SYT14: variants seen among roughly 807,000 people sequenced by gnomAD.
The protein encoded by SYT14 is synaptotagmin 14, also known as synaptotagmin-14.
Under a neutral mutation model 74.2 loss-of-function variants are expected in SYT14, and 32 were observed. The observed-to-expected ratio is 0.43, with a 90% confidence interval of 0.33 to 0.58. The LOEUF is 0.58. SYT14 is among the 20% of genes least tolerant of loss of function. SYT14 has a pLI of 0.05. For missense variants in SYT14, 791 were observed against 981.8 expected (o/e 0.81, Z 2.60); for synonymous variants, 298 against 337.7 (o/e 0.88, Z 1.29).
intron 5 of SYT14, among the ~76,000 whole-genome samples, chr1:210,080,195 C>T (rs142546380): frequency 1.5e-3 from 235 of 152,088 alleles, no homozygotes; most frequent in Non-Finnish European, 2.7e-3. Context: ...TATTTTAAAC[C>T]AGATCAGCCT....
chr1:210,062,436 G>C (rs1379116610), intron 5 of SYT14, among the ~76,000 whole-genome samples: 1 of 151,750 alleles, frequency 6.6e-6, no homozygotes, highest in African/African-American at 2.4e-5. Flanking sequence ...TTTGACACTA[G>C]AAAACAAAAG....
At chr1:210,075,012 A>G (rs1156771175) in intron 5 of SYT14, among the ~76,000 whole-genome samples, 14 of 152,304 alleles carry the variant, frequency 9.2e-5, no homozygotes, top group African/African-American at 3.4e-4. Flanking sequence ...GGCTTGGAGA[A>G]TGAGTACAAG....
At chr1:210,090,619 C>T (rs908927066) in intron 5 of SYT14, among the ~76,000 whole-genome samples, 4 of 151,948 alleles carry the variant, frequency 2.6e-5, no homozygotes, top group Non-Finnish European at 4.4e-5. Context: ...ATATAAAAAT[C>T]GGGGTATGAA....
In SYT14 at chr1:210,056,872, C is replaced by T. The variant is rs183955354; in HGVS notation, c.1312+35618C>T. Among the ~76,000 whole-genome samples the T allele has an allele frequency of 8.5e-3, 1,158 of 135,706 alleles. 19 individuals are homozygous for T. The highest frequency in any genetic ancestry group is 0.03 in the African/African-American group (1,106 of 36,732). The allele number at this position is 135,706 out of a possible 152,430, so 89.0% of individuals were successfully genotyped here. On this transcript the variant is annotated intron_variant, in intron 5 of 9. Transcript: ENST00000637265. ...TATTTATTTATTTTTGAGACTCAGTCTTGCTCTGTCACCCAGGCTGGAGTG... is the reference window on the plus strand; with the variant it reads ...TATTTATTTATTTTTGAGACTCAGTTTTGCTCTGTCACCCAGGCTGGAGTG...
intron 2 of SYT14, among the ~76,000 whole-genome samples, chr1:209,974,480 A>G (rs1269282901): frequency 6.6e-6 from 1 of 152,126 alleles, no homozygotes; most frequent in Non-Finnish European, 1.5e-5. Flanking sequence ...TCGTTTACCC[A>G]TTTCTTGTTT....
chr1:209,972,579 A>G (rs959976900), intron 2 of SYT14, among the ~76,000 whole-genome samples: 9 of 152,018 alleles, frequency 5.9e-5, no homozygotes, highest in African/African-American at 1.2e-4. Context: ...GATTTTTTAA[A>G]TTTCTGCCTT....
rs529236491 is a variant in SYT14, at chr1:210,072,945, A to G, written c.1313-21377A>G. 1.4e-4 allele frequency among the ~76,000 whole-genome samples: 21 copies of G among 151,906 alleles called. No homozygotes were observed. The South Asian group carries it at 3.9e-3, about 29-fold the overall frequency. ...ATTTTCCATTAGAGAATTATGATGG[A>G]TAAAAGATTAATAACTCTTTTAAGA... On this transcript the variant is annotated intron_variant, in intron 5 of 9. Coordinates refer to ENST00000637265, the Ensembl canonical transcript of SYT14.
At chr1:210,119,943 C>T (rs1264861277) in intron 7 of SYT14, among the ~76,000 whole-genome samples, 6 of 152,228 alleles carry the variant, frequency 3.9e-5, no homozygotes, top group East Asian at 3.9e-4. Context: ...TGAGATAAAA[C>T]GGGTGTCCTT....
intron 5 of SYT14, among the ~76,000 whole-genome samples, chr1:210,024,822 G>A (rs184192708): frequency 4.0e-4 from 61 of 152,144 alleles, no homozygotes; most frequent in Admixed American, 1.9e-3. Context: ...AGGAGAATCA[G>A]GAAAATGTTA....
intron 8 of SYT14, among the ~76,000 whole-genome samples, chr1:210,157,456 T>C (rs1333980143): frequency 1.5e-5 from 2 of 134,448 alleles, no homozygotes; most frequent in African/African-American, 2.9e-5. Context: ...AAAAAAAAAA[T>C]TGGCCAGGTG....
intron 2 of SYT14, 91 bp downstream of exon 2, chr1:209,952,847 T>C (rs1253010707): frequency 1.5e-6 from 2 of 1,294,754 alleles, no homozygotes. Flanking sequence ...ATAATTTGTA[T>C]TTATGAAGTG....
intron 6 of SYT14, among the ~76,000 whole-genome samples, chr1:210,094,980 A>C (rs2081944161): frequency 6.6e-6 from 1 of 152,116 alleles, no homozygotes; most frequent in East Asian, 1.9e-4. Flanking sequence ...AGTCTTTCAA[A>C]ATAATCTTAT....
At chr1:210,090,971 A>G (rs908368019) in intron 5 of SYT14, among the ~76,000 whole-genome samples, 1 of 152,204 alleles carries the variant, frequency 6.6e-6, no homozygotes, top group Non-Finnish European at 1.5e-5. Flanking sequence ...TAAAGATAAA[A>G]GGGGGTGGTA....
At chr1:210,021,206 C>T in exon 5 of SYT14, 1 of 1,614,000 alleles carries the variant, frequency 6.2e-7, no homozygotes. Flanking sequence ...ATACAGTCCT[C>T]TATCGGCAGA....
At chr1:209,939,906 G>A (rs1212301940) in intron 1 of SYT14, among the ~76,000 whole-genome samples, 1 of 152,138 alleles carries the variant, frequency 6.6e-6, no homozygotes, top group Non-Finnish European at 1.5e-5. Flanking sequence ...GCAGTTAAGT[G>A]TTACTGATTC....
chr1:210,020,994 A>C, intron 4 of SYT14, 45 bp from the exon 4 acceptor site: 1 of 1,546,302 alleles, frequency 6.5e-7, no homozygotes, highest in Non-Finnish European at 8.9e-7. Context: ...AGGGGAGGGA[A>C]TTTTTTTTTC....
At chr1:209,943,508 CAAAAAAAAAAAAAAAAAAAA>C (rs58806792) in intron 1 of SYT14, among the ~76,000 whole-genome samples, 2 of 59,308 alleles carry the variant, frequency 3.4e-5, no homozygotes, top group African/African-American at 1.3e-4. Context: ...GATTCAATCT[CAAAAAAAAAAAAAAAAAAAA>C]AAAAAAAAAG....
intron 7 of SYT14, among the ~76,000 whole-genome samples, chr1:210,136,257 G>GGT (rs1022010894): frequency 1.3e-5 from 2 of 151,998 alleles, no homozygotes; most frequent in African/African-American, 2.4e-5. Flanking sequence ...CATATTGAGA[G>GGT]GTGTGTGTGT....
intron 5 of SYT14, among the ~76,000 whole-genome samples, chr1:210,035,149 TTAA>T (rs2080631372): frequency 6.6e-6 from 1 of 151,790 alleles, no homozygotes; most frequent in African/African-American, 2.4e-5. Flanking sequence ...ATTTTTTGAC[TTAA>T]TAATAGTCAT....
Sources: allele counts gnomAD v4.1 joint callset (sites outside exome capture counted in the v4.1 genomes callset), GRCh38; gene constraint gnomAD v4.1.1; transcripts MANE v1.5; gene names NCBI Gene and HGNC (gene_info 2026-07-23, HGNC 2026-07-21).